Variants in PLSCR2 observed in about 807,000 individuals in gnomAD.
The protein encoded by PLSCR2 is phospholipid scramblase 2.
Under a neutral mutation model 25.3 loss-of-function variants are expected in PLSCR2, and 18 were observed. The ratio of observed to expected loss-of-function variants is 0.71; its 90% CI spans 0.49 to 1.06. The LOEUF is 1.06. Ranked by LOEUF, PLSCR2 falls within the 50% of genes least tolerant of loss-of-function variation. PLSCR2 has a pLI of 0.00. For missense variants in PLSCR2, 243 were observed against 269.5 expected (o/e 0.90, Z 0.69); for synonymous variants, 88 against 87.3 (o/e 1.01, Z -0.04).
rs554085027 is a variant in PLSCR2 at position 146,466,948 on chromosome 3, C to T, written c.-292-6664G>A. 1.7e-4 allele frequency among the ~76,000 whole-genome samples: 26 copies of T among 152,244 alleles called. No homozygotes were observed. The South Asian group carries it at 4.6e-3, about 27-fold the overall frequency. ...GAAATATCTTGAATTTCAATTTAGT[C>T]TCATGATCAATTAGTTTTTAACTAG... On this transcript the variant is annotated intron_variant, in intron 1 of 8. Coordinates refer to the PLSCR2 transcript ENST00000336685.
intron 1 of PLSCR2, among the ~76,000 whole-genome samples, chr3:146,493,660 C>CA (rs748236842): frequency 2.7e-5 from 4 of 150,712 alleles, no homozygotes; most frequent in Non-Finnish European, 5.9e-5. Context: ...CTATGACAAA[C>CA]AAAAAAAGGT....
At chr3:146,404,158 A>G (rs1193259200) in intron 2 of PLSCR2, among the ~76,000 whole-genome samples, 1 of 152,206 alleles carries the variant, frequency 6.6e-6, no homozygotes, top group African/African-American at 2.4e-5. Context: ...CCCTTGTCCA[A>G]GTGTGTGCTC....
chr3:146,481,235 C>T (rs1306837571), intron 1 of PLSCR2, among the ~76,000 whole-genome samples: 3 of 152,014 alleles, frequency 2.0e-5, no homozygotes, highest in African/African-American at 7.3e-5. Flanking sequence ...CTGGCCAGGG[C>T]AATCAGGCAA....
intron 6 of PLSCR2, among the ~76,000 whole-genome samples, chr3:146,443,093 C>G (rs1323800833): frequency 6.6e-6 from 1 of 151,932 alleles, no homozygotes; most frequent in East Asian, 1.9e-4. Flanking sequence ...TATGTTGAAC[C>G]CTTTTTGCTT....
intron 2 of PLSCR2, among the ~76,000 whole-genome samples, chr3:146,414,508 C>CA (rs2108052985): frequency 6.6e-6 from 1 of 151,972 alleles, no homozygotes; most frequent in East Asian, 1.9e-4. Flanking sequence ...TATAATATGC[C>CA]AAAACGGAAG....
upstream of PLSCR2, among the ~76,000 whole-genome samples, chr3:146,464,483 T>C (rs2041770900): frequency 6.6e-6 from 1 of 152,216 alleles, no homozygotes; most frequent in Admixed American, 6.5e-5. Context: ...ACATGATAAC[T>C]TTAAATCATT....
chr3:146,430,980 C>T (rs186859975), downstream of PLSCR2, among the ~76,000 whole-genome samples: 1 of 152,242 alleles, frequency 6.6e-6, no homozygotes, highest in Admixed American at 6.5e-5. Context: ...TTACAACCAC[C>T]CCACAGTGAC....
intron 2 of PLSCR2, chr3:146,416,708 GT>G (rs1367350750): frequency 1.3e-5 from 2 of 152,146 alleles, no homozygotes; most frequent in Admixed American, 6.6e-5. Flanking sequence ...TACAACTACA[GT>G]TTTAGCTTTT....
chr3:146,426,129 C>G (rs1000008046), intron 2 of PLSCR2, among the ~76,000 whole-genome samples: 11 of 152,062 alleles, frequency 7.2e-5, no homozygotes, highest in African/African-American at 2.6e-4. Context: ...AAGGAACATT[C>G]TATTTTTTCT....
Position 146,409,081 on chromosome 3 carries a change from T to C in PLSCR2, c.101-13160A>G, listed in dbSNP as rs139353764. On this transcript the variant is annotated intron_variant and NMD_transcript_variant, in intron 2 of 3. Coordinates refer to the PLSCR2 transcript ENST00000463633. ...CGGAGTACGGACTCCATCAGAAAGGTCAAAACCTGGGGCTTTTCAGAGAAG... is the reference window on the plus strand; with the variant it reads ...CGGAGTACGGACTCCATCAGAAAGGCCAAAACCTGGGGCTTTTCAGAGAAG... 1.1e-3 allele frequency among the ~76,000 whole-genome samples: 166 copies of C among 152,210 alleles called. 1 individual carries two copies. The highest frequency in any genetic ancestry group is 3.4e-3 in the Middle Eastern group (1 of 294).
At chr3:146,441,638 G>T, downstream of PLSCR2, 1 of 549,782 alleles carries the variant, frequency 1.8e-6, no homozygotes, top group Non-Finnish European at 3.2e-6. Context: ...AGAGCTACAA[G>T]CATCATAGCT....
intron 1 of PLSCR2, among the ~76,000 whole-genome samples, chr3:146,479,842 C>G (rs1256914990): frequency 1.3e-5 from 2 of 152,152 alleles, no homozygotes; most frequent in Admixed American, 6.5e-5. Flanking sequence ...GGAAGTAAAG[C>G]ACTCCTCTGC....
chr3:146,456,521 T>G (rs369293136), intron 3 of PLSCR2, among the ~76,000 whole-genome samples: 5 of 152,252 alleles, frequency 3.3e-5, no homozygotes, highest in African/African-American at 1.2e-4. Context: ...TCCAACTAAT[T>G]GTTTAATTAT....
chr3:146,437,576 T>C (rs1346145647), downstream of PLSCR2, among the ~76,000 whole-genome samples: 6 of 151,406 alleles, frequency 4.0e-5, no homozygotes, highest in Non-Finnish European at 8.8e-5. Flanking sequence ...GTTTATAGTA[T>C]TCTCTGATGG....
At chr3:146,403,567 T>C (rs2038553366) in intron 2 of PLSCR2, among the ~76,000 whole-genome samples, 1 of 152,198 alleles carries the variant, frequency 6.6e-6, no homozygotes, top group African/African-American at 2.4e-5. Flanking sequence ...TTTTGTGACT[T>C]CTTAAATTAT....
chr3:146,443,728 T>C (rs2040383868), intron 6 of PLSCR2, among the ~76,000 whole-genome samples: 1 of 151,998 alleles, frequency 6.6e-6, no homozygotes, highest in Non-Finnish European at 1.5e-5. Context: ...TGTTGATCTT[T>C]TTGTGTTTTT....
At chr3:146,449,834 CCACT>C (rs1012178069) in intron 5 of PLSCR2, among the ~76,000 whole-genome samples, 9 of 152,158 alleles carry the variant, frequency 5.9e-5, no homozygotes, top group Non-Finnish European at 1.0e-4. Flanking sequence ...TCACTACCAC[CCACT>C]GTCAGTAGGA....
intron 1 of PLSCR2, among the ~76,000 whole-genome samples, chr3:146,483,509 A>AT (rs1553791539): frequency 1.2e-4 from 15 of 127,006 alleles, no homozygotes; most frequent in East Asian, 2.2e-4. Flanking sequence ...ATATATATAT[A>AT]ATGTTACTAC....
In PLSCR2 at chr3:146,474,578, T is replaced by G. The variant is rs527947133; in HGVS notation, c.-292-14294A>C. On this transcript the variant is annotated intron_variant, in intron 1 of 8. Transcript: ENST00000336685. ...GTTGCCCTTAGTAGTTTTTCCTTCG[T>G]TTCAGCCTGGGAGAATCTGATGATT... is the stretch of plus-strand genomic sequence containing the variant. Among the ~76,000 whole-genome samples, 13 of 152,292 alleles carry G rather than the reference T, an allele frequency of 8.5e-5. No individual in the cohort carries two copies. In the South Asian group the frequency reaches 2.3e-3, roughly 27 times the overall value.
Sources: allele counts gnomAD v4.1 joint callset (sites outside exome capture counted in the v4.1 genomes callset), GRCh38; gene constraint gnomAD v4.1.1; transcripts MANE v1.5; gene names NCBI Gene and HGNC (gene_info 2026-07-23, HGNC 2026-07-21).